The following MAGI2 variants were observed in gnomAD, a reference collection of about 807,000 sequenced individuals.
MAGI2 encodes the protein membrane-associated guanylate kinase, WW and PDZ domain-containing protein 2.
Under a neutral mutation model 133.3 loss-of-function variants are expected in MAGI2, and 35 were observed. The ratio of observed to expected loss-of-function variants is 0.26; its 90% CI spans 0.20 to 0.35. The LOEUF is 0.35. Among genes scored for constraint, MAGI2 ranks in the 10% least tolerant of loss-of-function variants. MAGI2 has a pLI of 1.00. For missense variants in MAGI2, 1,636 were observed against 1,863.4 expected, an observed-to-expected ratio of 0.88 and a Z score of 2.25; for synonymous variants, 729 against 710.6, an observed-to-expected ratio of 1.03 and a Z score of -0.41.
chr7:78,216,515 G>T (rs144877534), intron 10 of MAGI2, among the ~76,000 whole-genome samples: 2 of 152,150 alleles, frequency 1.3e-5, no homozygotes, highest in Admixed American at 6.5e-5. Flanking sequence ...GCCTCACCTC[G>T]CTCTGGTGCT....
intron 10 of MAGI2, among the ~76,000 whole-genome samples, chr7:78,245,771 C>A (rs931360744): frequency 1.3e-5 from 2 of 152,198 alleles, no homozygotes; most frequent in African/African-American, 4.8e-5. Flanking sequence ...CTCACAGACA[C>A]TGAACCCAGC....
At chr7:78,477,692 T>C (rs992464666) in intron 6 of MAGI2, among the ~76,000 whole-genome samples, 1 of 151,878 alleles carries the variant, frequency 6.6e-6, no homozygotes, top group Non-Finnish European at 1.5e-5. Context: ...CTCAATTATT[T>C]CCACCTGGCC....
rs1794611875 is a variant in MAGI2, at chr7:78,501,442, C to T, written c.965+135G>A. 8.1e-6 allele frequency: 6 copies of T among 738,230 alleles called. No individual in the cohort carries two copies. The East Asian group carries it at 1.3e-4, about 16-fold the overall frequency. The allele number at this position is 738,230 out of a possible 1,614,324, so 45.7% of individuals were successfully genotyped here. ...TATTAAGGCACTATCCCACTATTCT[C>T]TCACAAATAAAAAAGCTGTTACCAG... On this transcript the variant is annotated intron_variant, in intron 5 of 21. Coordinates refer to ENST00000354212, the MANE Select transcript of MAGI2 (RefSeq NM_012301.4).
At chr7:79,311,920 C>G in intron 1 of MAGI2, among the ~76,000 whole-genome samples, 1 of 152,064 alleles carries the variant, frequency 6.6e-6, no homozygotes, top group East Asian at 1.9e-4. Context: ...GTTAGCAAAT[C>G]CTTTGTCCCT....
At chr7:79,234,334 G>A (rs1367745021) in intron 1 of MAGI2, among the ~76,000 whole-genome samples, 6 of 151,232 alleles carry the variant, frequency 4.0e-5, no homozygotes, top group African/African-American at 1.2e-4. Flanking sequence ...GAATCTGAAC[G>A]TTGGCCTGCC....
intron 2 of MAGI2, among the ~76,000 whole-genome samples, chr7:78,988,396 A>C (rs1805462012): frequency 6.6e-6 from 1 of 152,064 alleles, no homozygotes; most frequent in African/African-American, 2.4e-5. Flanking sequence ...GGTGAGCTAA[A>C]TTTTCACCAT....
chr7:78,732,722 G>T (rs749320169), intron 2 of MAGI2, among the ~76,000 whole-genome samples: 8 of 152,108 alleles, frequency 5.3e-5, no homozygotes, highest in Non-Finnish European at 8.8e-5. Context: ...TTTTGCAGAA[G>T]AAATACTCCA....
intron 2 of MAGI2, among the ~76,000 whole-genome samples, chr7:78,817,073 G>T (rs1344296717): frequency 6.6e-6 from 1 of 152,172 alleles, no homozygotes; most frequent in East Asian, 1.9e-4. Flanking sequence ...TGGATAAATT[G>T]AATCCAACCG....
intron 21 of MAGI2, among the ~76,000 whole-genome samples, chr7:78,066,288 G>A (rs994127521): frequency 6.1e-4 from 92 of 151,924 alleles, no homozygotes; most frequent in African/African-American, 2.1e-3. Context: ...ATGGTGAAAC[G>A]CCATCTCTGC....
At chr7:79,104,085 T>C (rs1240499030) in intron 1 of MAGI2, among the ~76,000 whole-genome samples, 1 of 152,196 alleles carries the variant, frequency 6.6e-6, no homozygotes, top group Non-Finnish European at 1.5e-5. Flanking sequence ...TTTTAGTTCA[T>C]ATTGTGTATG....
chr7:78,201,006 C>G (rs1429432197), intron 11 of MAGI2, among the ~76,000 whole-genome samples, 156 bp downstream of exon 11: 1 of 152,070 alleles, frequency 6.6e-6, no homozygotes, highest in Non-Finnish European at 1.5e-5. Context: ...ACTTGTGGGA[C>G]AGATACAAGA....
At chr7:78,207,534 G>C (rs1270545380) in intron 10 of MAGI2, among the ~76,000 whole-genome samples, 1 of 152,190 alleles carries the variant, frequency 6.6e-6, no homozygotes, top group Non-Finnish European at 1.5e-5. Context: ...AGCCAGCAGA[G>C]TCATGAGCTA....
At chr7:78,333,194 G>T (rs1789408817) in intron 9 of MAGI2, among the ~76,000 whole-genome samples, 2 of 152,124 alleles carry the variant, frequency 1.3e-5, no homozygotes, top group South Asian at 4.1e-4. Flanking sequence ...TATAATTTCT[G>T]GATGTGGTAC....
At chr7:78,021,641 A>G (rs967255661) in intron 21 of MAGI2, among the ~76,000 whole-genome samples, 2 of 152,222 alleles carry the variant, frequency 1.3e-5, no homozygotes, top group Admixed American at 6.5e-5. Context: ...TTCTCATTCT[A>G]TGTGAAATTC....
intron 9 of MAGI2, among the ~76,000 whole-genome samples, chr7:78,303,724 T>C (rs1394445763): frequency 6.6e-6 from 1 of 152,182 alleles, no homozygotes; most frequent in East Asian, 1.9e-4. Flanking sequence ...GAATGCACTA[T>C]GCAAATGTTA....
At chr7:79,222,728 C>G (rs993119715) in intron 1 of MAGI2, among the ~76,000 whole-genome samples, 5 of 151,944 alleles carry the variant, frequency 3.3e-5, no homozygotes, top group African/African-American at 7.3e-5. Flanking sequence ...TGTACCTTTA[C>G]TAAAGATTTT....
intron 10 of MAGI2, among the ~76,000 whole-genome samples, chr7:78,228,373 A>G (rs1228077585): frequency 6.6e-6 from 1 of 152,198 alleles, no homozygotes; most frequent in African/African-American, 2.4e-5. Context: ...AGAATTTCTG[A>G]AGAAATGAAG....
chr7:79,262,482 G>C (rs1040941469), intron 1 of MAGI2, among the ~76,000 whole-genome samples: 1 of 152,148 alleles, frequency 6.6e-6, no homozygotes, highest in African/African-American at 2.4e-5. Context: ...CACATGGAAA[G>C]CCAAAGAAAT....
chr7:78,395,043 A>T (rs2151324786), intron 6 of MAGI2, among the ~76,000 whole-genome samples: 1 of 152,338 alleles, frequency 6.6e-6, no homozygotes, highest in South Asian at 2.1e-4. Context: ...TTCAATGGTC[A>T]AAAGGCTAGT....
Sources: gnomAD v4.1 joint callset for allele counts (sites outside exome capture counted in the v4.1 genomes callset) on GRCh38, gnomAD v4.1.1 for gene constraint, MANE v1.5 for transcripts, NCBI Gene and HGNC (gene_info 2026-07-23, HGNC 2026-07-21) for gene names.